The following ZNF503 variants were observed in gnomAD, a reference collection of about 807,000 sequenced individuals.
ZNF503 encodes NocA-like zinc finger 2.
ZNF503 carries 15 observed loss-of-function variants against 34.4 expected under a neutral mutation model. The ratio of observed to expected loss-of-function variants is 0.44; its 90% CI spans 0.29 to 0.67. The LOEUF (loss-of-function observed/expected upper bound fraction) is 0.67, where lower values mean the gene tolerates loss of function less well. Among genes scored for constraint, ZNF503 ranks in the 30% least tolerant of loss-of-function variants. The pLI is 0.13. For synonymous variants in ZNF503, 580 were observed against 456.8 expected (o/e 1.27, Z -3.44); for missense variants, 1,007 against 926.8 (o/e 1.09, Z -1.12).
chr10:75,328,471 T>C, the ZNF503 span, among the ~76,000 whole-genome samples: 1 of 152,184 alleles, frequency 6.6e-6, no homozygotes, highest in East Asian at 1.9e-4. Flanking sequence ...TCTGCTGTTA[T>C]GCCAGTACCA....
At chr10:75,381,001 G>A in the ZNF503 span, among the ~76,000 whole-genome samples, 38 of 152,126 alleles carry the variant, frequency 2.5e-4, no homozygotes, top group African/African-American at 4.8e-4. Flanking sequence ...AATCCCACAC[G>A]CTCACTCCAA....
At chr10:75,351,333 G>T in the ZNF503 span, among the ~76,000 whole-genome samples, 1 of 152,032 alleles carries the variant, frequency 6.6e-6, no homozygotes, top group Admixed American at 6.6e-5. Flanking sequence ...CACCACACCC[G>T]GCTAATTTTT....
the ZNF503 span, among the ~76,000 whole-genome samples, chr10:75,298,125 C>A: frequency 3.3e-5 from 5 of 152,158 alleles, no homozygotes; most frequent in Non-Finnish European, 7.3e-5. Context: ...TCAGTTCCAG[C>A]CCCAACCCCA....
At chr10:75,364,375 A>AT in the ZNF503 span, among the ~76,000 whole-genome samples, 4,721 of 151,076 alleles carry the variant, frequency 0.031, 208 homozygotes, top group African/African-American at 0.099. Flanking sequence ...CCTACTTTCT[A>AT]TTTTTTTTTC....
At chr10:75,306,912 C>T in the ZNF503 span, among the ~76,000 whole-genome samples, 2 of 152,146 alleles carry the variant, frequency 1.3e-5, no homozygotes, top group African/African-American at 4.8e-5. Flanking sequence ...CACCAACTGG[C>T]CATTCCCCTA....
At chr10:75,293,478 C>T in the ZNF503 span, among the ~76,000 whole-genome samples, 2 of 152,104 alleles carry the variant, frequency 1.3e-5, no homozygotes, top group Non-Finnish European at 2.9e-5. Context: ...CTGAGCTGGC[C>T]CTGCTGAACA....
At chr10:75,381,410 A>G in the ZNF503 span, among the ~76,000 whole-genome samples, 7 of 152,072 alleles carry the variant, frequency 4.6e-5, no homozygotes, top group Admixed American at 4.6e-4. Context: ...TAATTTTTGT[A>G]GAGATGAGAT....
the ZNF503 span, among the ~76,000 whole-genome samples, chr10:75,371,246 A>T: frequency 1.3e-5 from 2 of 152,146 alleles, no homozygotes; most frequent in Admixed American, 1.3e-4. Context: ...TCTCCATCTA[A>T]GGGTTAAGAT....
the ZNF503 span, among the ~76,000 whole-genome samples, chr10:75,384,270 C>G: frequency 6.6e-6 from 1 of 152,086 alleles, no homozygotes; most frequent in Admixed American, 6.6e-5. Flanking sequence ...CGCATACACA[C>G]ACTGATAATC....
the ZNF503 span, among the ~76,000 whole-genome samples, chr10:75,367,918 G>C: frequency 6.6e-6 from 1 of 152,196 alleles, no homozygotes; most frequent in Admixed American, 6.5e-5. Context: ...AGCATTTCAA[G>C]TCCTGCTTGG....
chr10:75,333,131 G>C, the ZNF503 span, among the ~76,000 whole-genome samples: 50 of 140,536 alleles, frequency 3.6e-4, no homozygotes, highest in African/African-American at 1.0e-3. Flanking sequence ...CCTCCTGGAC[G>C]GGGCGGCTGG....
the ZNF503 span, among the ~76,000 whole-genome samples, chr10:75,328,830 T>C: frequency 6.9e-6 from 1 of 145,778 alleles, no homozygotes; most frequent in African/African-American, 2.6e-5. Flanking sequence ...CACTGCAACC[T>C]CTGCCTCCCG....
At chr10:75,332,992 A>C in the ZNF503 span, among the ~76,000 whole-genome samples, 1 of 145,840 alleles carries the variant, frequency 6.9e-6, no homozygotes, top group Admixed American at 6.7e-5. Context: ...GCTGTTGGGC[A>C]CACCTCCCAG....
At chr10:75,340,656 T>G in the ZNF503 span, among the ~76,000 whole-genome samples, 1 of 152,052 alleles carries the variant, frequency 6.6e-6, no homozygotes, top group Non-Finnish European at 1.5e-5. Context: ...TGGAGTGCAA[T>G]GGCATGATTT....
At chr10:75,285,811 T>C in the ZNF503 span, among the ~76,000 whole-genome samples, 1 of 152,208 alleles carries the variant, frequency 6.6e-6, no homozygotes, top group East Asian at 1.9e-4. Context: ...CTGTAGCTGA[T>C]GGCAACCTCC....
chr10:75,337,585 T>A, the ZNF503 span, among the ~76,000 whole-genome samples: 1 of 150,546 alleles, frequency 6.6e-6, no homozygotes, highest in Non-Finnish European at 1.5e-5. Context: ...GCCACTGCCC[T>A]CCAGCCTGGG....
intron 1 of ZNF503, 53 bp downstream of exon 1, chr10:75,401,052 A>C (rs770258329): frequency 6.2e-7 from 1 of 1,611,208 alleles, no homozygotes; most frequent in Non-Finnish European, 8.5e-7. Context: ...AGAAAGCCCT[A>C]GGGTGGCAGC....
chr10:75,326,413 G>A, the ZNF503 span, among the ~76,000 whole-genome samples: 1 of 151,868 alleles, frequency 6.6e-6, no homozygotes, highest in Non-Finnish European at 1.5e-5. Flanking sequence ...AAGTGTGCTG[G>A]TTATAAATGC....
Position 75,401,264 on chromosome 10 carries a change from G to A in ZNF503, c.156C>T (p.Ser52=). 1.3e-6 allele frequency: 2 copies of A among 1,597,144 alleles called. No homozygotes were observed. Among genetic ancestry groups the A allele is most frequent in the Non-Finnish European group, 1.7e-6 (2 of 1,172,942 alleles). The part of the protein sequence containing the change: ...GPGPGSSPAG[S]TKPFVHAVPP... ...GCACGGCGTGCACAAAAGGCTTGGTGCTGCCGGCCGGGGACGAGCCTGGGC... is the reference window on the plus strand; with the variant it reads ...GCACGGCGTGCACAAAAGGCTTGGTACTGCCGGCCGGGGACGAGCCTGGGC... The change falls in exon 1 of 2, where the codon AGC becomes AGT. Residue 52 remains serine (S), a synonymous_variant. Transcript: ENST00000372524.
Sources: gnomAD v4.1 joint callset for allele counts (sites outside exome capture counted in the v4.1 genomes callset) on GRCh38, gnomAD v4.1.1 for gene constraint, MANE v1.5 for transcripts, NCBI Gene and HGNC (gene_info 2026-07-23, HGNC 2026-07-21) for gene names.